The following UGT1A10 variants were observed in gnomAD, a reference collection of about 807,000 sequenced individuals.
UGT1A10 encodes the protein UDP glucuronosyltransferase family 1 member A10, also known as UDP-glucuronosyltransferase 1A10.
UGT1A10 carries 49 observed loss-of-function variants against 45.8 expected under a neutral mutation model. That is an observed-to-expected ratio of 1.07 (90% CI 0.85 to 1.36). The LOEUF (loss-of-function observed/expected upper bound fraction) is 1.36, where lower values mean the gene tolerates loss of function less well. Ranked by LOEUF, UGT1A10 falls within the 40% of genes most tolerant of loss-of-function variation. UGT1A10 has a pLI of 0.00. For missense variants in UGT1A10, 745 were observed against 668.6 expected, an observed-to-expected ratio of 1.11 and a Z score of -1.26; for synonymous variants, 284 against 249.7, an observed-to-expected ratio of 1.14 and a Z score of -1.29.
At chr2:233,690,630 C>T (rs918376019) in intron 1 of UGT1A10, 5 of 1,288,446 alleles carry the variant, frequency 3.9e-6, no homozygotes, top group Non-Finnish European at 5.1e-6. Flanking sequence ...TCAAGTGATA[C>T]CTGAGGACAC....
At chr2:233,697,355 T>C (rs1350748190) in intron 1 of UGT1A10, among the ~76,000 whole-genome samples, 1 of 152,124 alleles carries the variant, frequency 6.6e-6, no homozygotes, top group Admixed American at 6.5e-5. Context: ...GTTTTCTAAT[T>C]TGTTGGCATA....
intron 1 of UGT1A10, chr2:233,728,971 AT>A: frequency 6.7e-7 from 1 of 1,483,170 alleles, no homozygotes; most frequent in Non-Finnish European, 9.0e-7. Flanking sequence ...ACAGTGATAG[AT>A]TAATGGTTAA....
At chr2:233,665,297 C>G (rs1033277351) in intron 1 of UGT1A10, among the ~76,000 whole-genome samples, 19 of 152,124 alleles carry the variant, frequency 1.2e-4, no homozygotes, top group African/African-American at 4.6e-4. Context: ...AGGCATTTTC[C>G]AAATTTGTCT....
At chr2:233,707,694 T>C (rs28899183) in intron 1 of UGT1A10, among the ~76,000 whole-genome samples, 3,269 of 152,332 alleles carry the variant, frequency 0.021, 116 homozygotes, top group African/African-American at 0.073. Context: ...CTTTGGGTTG[T>C]ATCTAGCTTT....
At chr2:233,672,332 T>G (rs973334841) in intron 1 of UGT1A10, 1 of 1,614,046 alleles carries the variant, frequency 6.2e-7, no homozygotes, top group Non-Finnish European at 8.5e-7. Context: ...GACAAAAAAT[T>G]AGTAGAATAC....
chr2:233,713,893 A>T (rs774657608), intron 1 of UGT1A10: 2 of 1,613,332 alleles, frequency 1.2e-6, no homozygotes, highest in Admixed American at 3.3e-5. Context: ...TCAATGTTCC[A>T]GGCAAAACAC....
chr2:233,673,022 C>T (rs1425676122), intron 1 of UGT1A10, among the ~76,000 whole-genome samples: 2 of 152,146 alleles, frequency 1.3e-5, no homozygotes, highest in Admixed American at 6.5e-5. Flanking sequence ...ATTCAGCCTA[C>T]ATTTTTAAGT....
intron 1 of UGT1A10, among the ~76,000 whole-genome samples, chr2:233,762,315 G>C (rs565893517): frequency 6.6e-6 from 1 of 152,216 alleles, no homozygotes; most frequent in Non-Finnish European, 1.5e-5. Context: ...TTAATGGGTC[G>C]AGAGTAATCC....
At position 233,668,455 on chromosome 2, in the gene UGT1A10, C is replaced by T. The variant is rs558040995; in HGVS notation, c.855+31078C>T. 1.2e-3 allele frequency among the ~76,000 whole-genome samples: 179 copies of T among 152,340 alleles called. 1 individual carries two copies. The highest frequency in any genetic ancestry group is 6.8e-3 in the South Asian group (33 of 4,832). On this transcript the variant is annotated intron_variant, in intron 1 of 4. Transcript: ENST00000344644. ...CACATTTTCTTAATCCAGTCTACCA[C>T]TGATGGACATTTGGGTTGCTTCCAA...
intron 1 of UGT1A10, among the ~76,000 whole-genome samples, chr2:233,681,504 C>G (rs1474706394): frequency 7.4e-6 from 1 of 134,450 alleles, no homozygotes; most frequent in Non-Finnish European, 1.5e-5. Flanking sequence ...GCACTCCAGC[C>G]TGGATGACAC....
intron 1 of UGT1A10, among the ~76,000 whole-genome samples, chr2:233,745,867 G>A (rs553219755): frequency 6.6e-6 from 1 of 151,648 alleles, no homozygotes; most frequent in African/African-American, 2.4e-5. Flanking sequence ...TGCTGACCAA[G>A]GTTCCAGAAG....
At chr2:233,649,992 CAG>C (rs1466785786) in intron 1 of UGT1A10, among the ~76,000 whole-genome samples, 2 of 152,138 alleles carry the variant, frequency 1.3e-5, no homozygotes, top group Admixed American at 1.3e-4. Flanking sequence ...TGTTTTGAGA[CAG>C]AGTTTCACTC....
intron 1 of UGT1A10, among the ~76,000 whole-genome samples, chr2:233,763,201 A>G (rs1698260183): frequency 6.6e-6 from 1 of 152,250 alleles, no homozygotes; most frequent in South Asian, 2.1e-4. Flanking sequence ...TGTTTGGTGC[A>G]GTCAGGCTTA....
intron 1 of UGT1A10, chr2:233,756,069 T>C (rs991797292): frequency 4.6e-5 from 7 of 152,198 alleles, no homozygotes; most frequent in African/African-American, 7.2e-5. Context: ...TGTGGGAGAA[T>C]GACAATGAGA....
rs4124874 is a variant in UGT1A10, at chr2:233,757,013, T to G, written c.856-10021T>G. On this transcript the variant is annotated intron_variant, in intron 1 of 4. Coordinates refer to ENST00000344644, the MANE Select transcript of UGT1A10 (RefSeq NM_019075.4). ...AAGCTGGCCAAGGGTAGAGTTCAGT[T>G]TGAACAAAGCAATTTGAGAACATCA... Among the ~76,000 whole-genome samples the G allele has an allele frequency of 0.56, 83,838 of 151,034 alleles. 25,476 individuals are homozygous for G. The highest frequency in any genetic ancestry group is 0.82 in the African/African-American group (33,726 of 41,116).
At chr2:233,719,486 C>T (rs781372953) in intron 1 of UGT1A10, 4 of 1,614,016 alleles carry the variant, frequency 2.5e-6, no homozygotes, top group East Asian at 2.2e-5. Context: ...CCCTGTCCTA[C>T]ATTTGCCATA....
At chr2:233,637,405 A>G (rs758702509) in intron 1 of UGT1A10, 28 bp downstream of exon 1, 7 of 1,579,554 alleles carry the variant, frequency 4.4e-6, no homozygotes, top group Admixed American at 1.8e-5. Flanking sequence ...TAGCACATTA[A>G]GAATAATCTG....
intron 1 of UGT1A10, among the ~76,000 whole-genome samples, chr2:233,661,397 A>C (rs1162064078): frequency 1.3e-5 from 2 of 152,112 alleles, no homozygotes; most frequent in Non-Finnish European, 2.9e-5. Flanking sequence ...TTGGTTAAAA[A>C]ATCTGCCAGT....
chr2:233,755,078 GA>G (rs1559400130), intron 1 of UGT1A10: 1 of 1,336,544 alleles, frequency 7.5e-7, no homozygotes, highest in South Asian at 1.1e-5. Flanking sequence ...AGCGGTCATA[GA>G]TATCGCGTTT....
Sources: allele counts gnomAD v4.1 joint callset (sites outside exome capture counted in the v4.1 genomes callset), GRCh38; gene constraint gnomAD v4.1.1; transcripts MANE v1.5; gene names NCBI Gene and HGNC (gene_info 2026-07-23, HGNC 2026-07-21).